Variants in CCM2L observed in about 807,000 individuals in gnomAD.
The protein encoded by CCM2L is CCM2 like scaffold protein.
CCM2L carries 36 observed loss-of-function variants against 54.1 expected under a neutral mutation model. That is an observed-to-expected ratio of 0.67 (90% CI 0.51 to 0.88). The LOEUF (loss-of-function observed/expected upper bound fraction) is 0.88, where lower values mean the gene tolerates loss of function less well. Among genes scored for constraint, CCM2L ranks in the 40% least tolerant of loss-of-function variants. CCM2L has a pLI of 0.00. For synonymous variants in CCM2L, 351 were observed against 359.3 expected, an observed-to-expected ratio of 0.98 and a Z score of 0.26; for missense variants, 700 against 812.1, an observed-to-expected ratio of 0.86 and a Z score of 1.68.
At chr20:32,017,949 C>T in intron 3 of CCM2L, 30 bp from the exon 4 acceptor site, 1 of 1,613,264 alleles carries the variant, frequency 6.2e-7, no homozygotes, top group Non-Finnish European at 8.5e-7. Flanking sequence ...CTGCGGACCT[C>T]GGGAACTCGA....
intron 2 of CCM2L, among the ~76,000 whole-genome samples, chr20:32,016,942 G>A (rs1218911256): frequency 6.6e-6 from 1 of 152,114 alleles, no homozygotes; most frequent in African/African-American, 2.4e-5. Context: ...GAGGTCAGGA[G>A]TTTGAGGGCA....
At chr20:32,029,594 G>T (rs2064899317) in intron 8 of CCM2L, 106 bp from the exon 9 acceptor site, 1 of 1,407,142 alleles carries the variant, frequency 7.1e-7, no homozygotes, top group Non-Finnish European at 9.4e-7. Flanking sequence ...GGTTTTCAGA[G>T]GAGAGCTGGA....
Position 32,029,106 on chromosome 20 carries a change from A to G in CCM2L, c.1245A>G (p.Leu415=). ...SDHSSLGLEQ[L]QDYMVTLRSK... ...ACAGCAGTCTGGGCTTGGAGCAGTT[A>G]CAGGATTACATGGTCACGGTGAGCT... is the stretch of plus-strand genomic sequence containing the variant. The change falls in exon 8 of 10, where the codon TTA becomes TTG. Residue 415 remains leucine, a synonymous_variant. Coordinates refer to ENST00000452892, the MANE Select transcript of CCM2L (RefSeq NM_001365692.1). 2 of 1,614,212 alleles carry G rather than the reference A, an allele frequency of 1.2e-6. No homozygotes were observed. The highest frequency in any genetic ancestry group is 2.2e-5 in the South Asian group (2 of 91,086).
intron 1 of CCM2L, among the ~76,000 whole-genome samples, chr20:32,013,002 T>G (rs2064706860): frequency 6.6e-6 from 1 of 152,130 alleles, no homozygotes; most frequent in Non-Finnish European, 1.5e-5. Context: ...TAAAAAAATC[T>G]TAATGGACCG....
intron 1 of CCM2L, among the ~76,000 whole-genome samples, chr20:32,012,576 C>T (rs925630097): frequency 3.9e-5 from 6 of 152,154 alleles, no homozygotes; most frequent in African/African-American, 1.4e-4. Flanking sequence ...CTACTCAAAG[C>T]GTGGTGCACA....
intron 1 of CCM2L, 118 bp from the exon 2 acceptor site, chr20:32,014,786 A>G: frequency 7.3e-6 from 7 of 954,720 alleles, no homozygotes; most frequent in Non-Finnish European, 9.2e-6. Context: ...TTACAGAGGT[A>G]CCCCTTCTGC....
At chr20:32,019,446 T>G in intron 5 of CCM2L, 37 bp downstream of exon 5, 1 of 1,419,584 alleles carries the variant, frequency 7.0e-7, no homozygotes, top group Non-Finnish European at 9.3e-7. Flanking sequence ...AAGCCCGGCT[T>G]CGGGAACGCT....
At chr20:32,030,257 T>G (rs758032559) in intron 9 of CCM2L, among the ~76,000 whole-genome samples, 7 of 152,158 alleles carry the variant, frequency 4.6e-5, no homozygotes, top group Non-Finnish European at 8.8e-5. Context: ...AAGCATCATC[T>G]CATTAAATGC....
In CCM2L at chr20:32,018,932, G is replaced by C; in HGVS notation, c.467-11G>C. ...GATCCCCGCGGCTGACGGTCCCCCG[G>C]ACTCTCCTAGGTCTGGGTGTGGACC... On this transcript the variant is annotated splice_polypyrimidine_tract_variant and intron_variant, in intron 4 of 9. Transcript: ENST00000452892. 1 of 1,332,214 alleles carries C rather than the reference G, an allele frequency of 7.5e-7. No homozygotes were observed. The highest frequency in any genetic ancestry group is 9.6e-7 in the Non-Finnish European group (1 of 1,043,688). The allele number at this position is 1,332,214 out of a possible 1,614,324, so 82.5% of individuals were successfully genotyped here. A position where few individuals can be genotyped will look rare whatever the true frequency, so the allele number is the denominator to read the frequency against.
chr20:32,015,950 G>A (rs1055989473), intron 2 of CCM2L, among the ~76,000 whole-genome samples: 7 of 147,858 alleles, frequency 4.7e-5, no homozygotes, highest in Non-Finnish European at 7.4e-5. Context: ...TCCGCCTCCC[G>A]GGCTCAAACA....
At chr20:32,026,885 A>G (rs984282095) in intron 7 of CCM2L, among the ~76,000 whole-genome samples, 3 of 152,022 alleles carry the variant, frequency 2.0e-5, no homozygotes, top group African/African-American at 7.3e-5. Flanking sequence ...CAAAAAAAAA[A>G]AAAAAGAAAA....
chr20:32,011,111 C>T (rs2064690980), intron 1 of CCM2L, among the ~76,000 whole-genome samples: 1 of 151,990 alleles, frequency 6.6e-6, no homozygotes, highest in Non-Finnish European at 1.5e-5. Context: ...CATTTCCACC[C>T]TCCCCTCTAC....
chr20:32,022,278 C>A (rs746053466), intron 5 of CCM2L, among the ~76,000 whole-genome samples: 3 of 152,134 alleles, frequency 2.0e-5, no homozygotes, highest in African/African-American at 7.2e-5. Flanking sequence ...TTTAATCATC[C>A]CTTCTCCTAC....
At chr20:32,028,507 T>C (rs1360532363) in intron 7 of CCM2L, 1 of 158,602 alleles carries the variant, frequency 6.3e-6, no homozygotes. Flanking sequence ...CCACTGTGGC[T>C]GTGGCAAATG....
chr20:32,017,693 G>T, intron 2 of CCM2L, 107 bp from the exon 3 acceptor site: 1 of 896,886 alleles, frequency 1.1e-6, no homozygotes, highest in South Asian at 1.3e-5. Flanking sequence ...ATTAATTCAT[G>T]TATTTCTATC....
chr20:32,022,705 A>G lies in CCM2L; in HGVS notation c.979A>G (p.Ile327Val), dbSNP rs140563493. The part of the protein sequence containing the change: ...SCALICQVFQ[I>V]IYGDQSIECV... ...CGCACTCATCTGTCAGGTCTTCCAG[A>G]TCATCTACGGGGACCAGAGTATTGA... Residue 327 changes from isoleucine (I) to valine (V), a missense_variant, in exon 6 of 10, where the codon ATC (isoleucine) becomes GTC (valine). Transcript: ENST00000452892. 29 of 1,614,030 alleles carry G rather than the reference A, an allele frequency of 1.8e-5. No individual in the cohort carries two copies. Among genetic ancestry groups the G allele is most frequent in the Admixed American group, 1.7e-4 (10 of 60,012 alleles).
intron 2 of CCM2L, among the ~76,000 whole-genome samples, chr20:32,016,759 G>T (rs1248161658): frequency 4.6e-5 from 7 of 152,184 alleles, no homozygotes; most frequent in African/African-American, 1.7e-4. Context: ...AAATAAATCT[G>T]CTTAAAAATT....
In CCM2L at chr20:32,031,280, G is replaced by A. The variant is rs1198773048; in HGVS notation, c.1682G>A (p.Gly561Asp). The A allele has an allele frequency of 7.7e-7, 1 of 1,291,140 alleles. No individual in the cohort carries two copies. Among genetic ancestry groups the A allele is most frequent in the South Asian group, 1.2e-5 (1 of 80,920 alleles). The allele number at this position is 1,291,140 out of a possible 1,614,324, so 80.0% of individuals were successfully genotyped here. A position where few individuals can be genotyped will look rare whatever the true frequency, so the allele number is the denominator to read the frequency against. The change falls in exon 10 of 10, where the codon GGC becomes GAC. Residue 561 changes from glycine to aspartate, a missense_variant. By Grantham distance (94) the Gly-to-Asp change is moderately conservative. Transcript: ENST00000452892. ...DDEDEPRGSR[G>D]GSDAAEDNYL ...GAGGATGAGCCCCGGGGCTCCAGGG[G>A]CGGGAGCGACGCCGCAGAAGACAAC... is the stretch of plus-strand genomic sequence containing the variant.
chr20:32,011,936 T>TC (rs781455839), intron 1 of CCM2L, among the ~76,000 whole-genome samples: 8 of 151,310 alleles, frequency 5.3e-5, no homozygotes, highest in Non-Finnish European at 1.0e-4. Context: ...CAAGACAAAG[T>TC]CCCAGCTCCA....
Sources: gnomAD v4.1 joint callset for allele counts (sites outside exome capture counted in the v4.1 genomes callset) on GRCh38, gnomAD v4.1.1 for gene constraint, MANE v1.5 for transcripts, NCBI Gene and HGNC (gene_info 2026-07-23, HGNC 2026-07-21) for gene names.